IARS1: variants seen among roughly 807,000 people sequenced by gnomAD.
IARS1 encodes isoleucine--tRNA ligase, cytoplasmic.
In IARS1, 124 loss-of-function variants were observed where a neutral mutation model predicts 168.2. The observed-to-expected ratio is 0.74, with a 90% CI of 0.64 to 0.86. The LOEUF (loss-of-function observed/expected upper bound fraction) is 0.86, where lower values mean the gene tolerates loss of function less well. Among genes scored for constraint, IARS1 ranks in the 40% least tolerant of loss-of-function variants. The probability of loss-of-function intolerance (pLI) is 0.00; values close to 1 mark genes in which losing one functional copy is unlikely to be tolerated. For missense variants in IARS1, 1,452 were observed against 1,515.8 expected (o/e 0.96, Z 0.70); for synonymous variants, 532 against 529.4 (o/e 1.00, Z -0.07).
chr9:92,250,106 A>G, intron 24 of IARS1, 81 bp downstream of exon 24: 1 of 986,672 alleles, frequency 1.0e-6, no homozygotes, highest in South Asian at 1.3e-5. Flanking sequence ...CATTGGTGGA[A>G]GCTCTCTATA....
At chr9:92,219,807 T>G (rs949808350) in intron 33 of IARS1, among the ~76,000 whole-genome samples, 1 of 140,054 alleles carries the variant, frequency 7.1e-6, no homozygotes, top group Non-Finnish European at 1.5e-5. Flanking sequence ...GGAACACTTT[T>G]ACACTGTTGG....
chr9:92,277,883 G>A lies in IARS1; in HGVS notation c.874C>T (p.Leu292=), dbSNP rs371822458. 1.9e-6 allele frequency: 3 copies of A among 1,613,900 alleles called. No homozygotes were observed. The African/African-American group carries it at 4.0e-5, about 22-fold the overall frequency. The change falls in exon 9 of 34, where the codon CTG becomes TTG. Residue 292 remains leucine (L), a synonymous_variant. Transcript: ENST00000443024. ...AYLKGKKYRP[L]FDYFLKCKEN... is the part of the protein sequence containing the mutation. ...CTTACCTTCAGGAAATAGTCAAACA[G>A]GGGCCTGTACTTCTTGCCTTTAAGA...
intron 30 of IARS1, among the ~76,000 whole-genome samples, chr9:92,233,290 A>T (rs1826995196): frequency 6.6e-6 from 1 of 152,214 alleles, no homozygotes; most frequent in Non-Finnish European, 1.5e-5. Context: ...AAATAACTAA[A>T]CTTCCTTGTC....
At chr9:92,216,076 G>C (rs977963349) in intron 33 of IARS1, among the ~76,000 whole-genome samples, 1 of 151,318 alleles carries the variant, frequency 6.6e-6, no homozygotes, top group Non-Finnish European at 1.5e-5. Flanking sequence ...CAGATCTCTC[G>C]GCAGAAACCC....
In IARS1 at chr9:92,269,923, C is replaced by G. The variant is rs1054368266; in HGVS notation, c.1266G>C (p.Met422Ile). 1 of 1,613,692 alleles carries G rather than the reference C, an allele frequency of 6.2e-7. No homozygotes were observed. Among genetic ancestry groups the G allele is most frequent in the Non-Finnish European group, 8.5e-7 (1 of 1,179,690 alleles). The change falls in exon 13 of 34, where the codon ATG (methionine) becomes ATC (isoleucine). Residue 422 changes from methionine (M) to isoleucine (I), a missense_variant. By Grantham distance (10) the Met-to-Ile change is conservative. Transcript: ENST00000443024. ...CATTGTTCCTTAGGAGCTGGTCCAC[C>G]ATGTTCTCCACTCGCACAAACCAGC... is the stretch of plus-strand genomic sequence containing the variant. ...VPSWFVRVEN[M>I]VDQLLRNNDL...
intron 30 of IARS1, among the ~76,000 whole-genome samples, chr9:92,235,499 C>T (rs533121797): frequency 2.0e-5 from 3 of 149,582 alleles, no homozygotes; most frequent in African/African-American, 2.5e-5. Context: ...TCTGACAATA[C>T]GATAATTACA....
intron 20 of IARS1, 58 bp downstream of exon 20, chr9:92,256,622 G>A: frequency 2.0e-6 from 3 of 1,484,650 alleles, no homozygotes; most frequent in Non-Finnish European, 2.8e-6. Context: ...AATATCAAAA[G>A]GGCAGTTACA....
At chr9:92,212,519 T>C (rs866723479) in intron 33 of IARS1, among the ~76,000 whole-genome samples, 1 of 152,190 alleles carries the variant, frequency 6.6e-6, no homozygotes, top group African/African-American at 2.4e-5. Context: ...ACAGACATGG[T>C]TCTACCCCTG....
chr9:92,213,581 G>A (rs915421269), intron 33 of IARS1, among the ~76,000 whole-genome samples: 1 of 152,114 alleles, frequency 6.6e-6, no homozygotes, highest in African/African-American at 2.4e-5. Flanking sequence ...AGTATATAAG[G>A]AATTCTCCCA....
At chr9:92,271,826 T>A (rs1489204817) in intron 10 of IARS1, among the ~76,000 whole-genome samples, 171 bp from the exon 11 acceptor site, 1 of 152,230 alleles carries the variant, frequency 6.6e-6, no homozygotes, top group Non-Finnish European at 1.5e-5. Flanking sequence ...ACCCTCACAG[T>A]TGGACAGGGG....
chr9:92,275,443 G>A (rs1833648589), intron 9 of IARS1, among the ~76,000 whole-genome samples: 1 of 152,102 alleles, frequency 6.6e-6, no homozygotes, highest in South Asian at 2.1e-4. Context: ...GGTTTCTTTG[G>A]AACTTAAAAC....
intron 31 of IARS1, among the ~76,000 whole-genome samples, chr9:92,225,343 A>ATC (rs1242639863): frequency 3.3e-5 from 5 of 152,336 alleles, no homozygotes; most frequent in African/African-American, 1.2e-4. Flanking sequence ...ATTAATATAT[A>ATC]TTAGCCAATT....
At chr9:92,279,226 GCT>G (rs369880098) in intron 7 of IARS1, among the ~76,000 whole-genome samples, 293 of 152,306 alleles carry the variant, frequency 1.9e-3, no homozygotes, top group African/African-American at 6.7e-3. Context: ...CCACTCCCTA[GCT>G]CTGACCTCAC....
intron 30 of IARS1, among the ~76,000 whole-genome samples, chr9:92,238,078 G>A (rs1482888322): frequency 1.3e-5 from 2 of 152,066 alleles, no homozygotes; most frequent in Non-Finnish European, 2.9e-5. Flanking sequence ...GCTAATTTTT[G>A]TATTTTTAGT....
chr9:92,252,004 G>A (rs892424095), intron 21 of IARS1, 119 bp from the exon 22 acceptor site: 9 of 756,574 alleles, frequency 1.2e-5, no homozygotes, highest in African/African-American at 8.8e-5. Context: ...GACAAGACAT[G>A]AGACAGAGAA....
intron 33 of IARS1, among the ~76,000 whole-genome samples, chr9:92,215,210 T>A (rs1444972382): frequency 6.6e-6 from 1 of 152,086 alleles, no homozygotes; most frequent in African/African-American, 2.4e-5. Context: ...CAGTTGAGGG[T>A]CCTGTCTGTC....
chr9:92,283,134 A>G (rs955952046), intron 6 of IARS1, among the ~76,000 whole-genome samples: 5 of 152,214 alleles, frequency 3.3e-5, no homozygotes, highest in Admixed American at 1.3e-4. Flanking sequence ...AAAAATTTTA[A>G]AAACCCTTGG....
At chr9:92,227,625 G>A (rs1229163582) in intron 31 of IARS1, among the ~76,000 whole-genome samples, 5 of 151,458 alleles carry the variant, frequency 3.3e-5, no homozygotes, top group South Asian at 2.1e-4. Flanking sequence ...CAGACGGGGC[G>A]GTTGCCAGGC....
At chr9:92,289,645 G>A (rs184771870) in intron 1 of IARS1, among the ~76,000 whole-genome samples, 3 of 152,126 alleles carry the variant, frequency 2.0e-5, no homozygotes, top group East Asian at 3.9e-4. Flanking sequence ...ATTTCAAAAC[G>A]TTTTCAACCT....
Sources: gnomAD v4.1 joint callset for allele counts (sites outside exome capture counted in the v4.1 genomes callset) on GRCh38, gnomAD v4.1.1 for gene constraint, MANE v1.5 for transcripts, NCBI Gene and HGNC (gene_info 2026-07-23, HGNC 2026-07-21) for gene names.